The following TMOD1 variants were observed in gnomAD, a reference collection of about 807,000 sequenced individuals.
The protein encoded by TMOD1 is tropomodulin 1, also known as tropomodulin-1.
In TMOD1, 17 loss-of-function variants were observed where a neutral mutation model predicts 40.6. The ratio of observed to expected loss-of-function variants is 0.42; its 90% confidence interval spans 0.29 to 0.63. The LOEUF (loss-of-function observed/expected upper bound fraction) is 0.63, where lower values mean the gene tolerates loss of function less well. Ranked by LOEUF, TMOD1 falls within the 20% of genes least tolerant of loss-of-function variation. The probability of loss-of-function intolerance (pLI) is 0.22; values close to 1 mark genes in which losing one functional copy is unlikely to be tolerated. For missense variants in TMOD1, 391 were observed against 447.6 expected (o/e 0.87, Z 1.14); for synonymous variants, 181 against 175.0 (o/e 1.03, Z -0.27).
At chr9:97,591,741 G>T (rs550036247) in intron 9 of TMOD1, among the ~76,000 whole-genome samples, 1 of 152,174 alleles carries the variant, frequency 6.6e-6, no homozygotes, top group East Asian at 1.9e-4. Context: ...CACAAGTCTC[G>T]CCGGGAGTAT....
chr9:97,565,857 A>AT lies in TMOD1; in HGVS notation c.629dup (p.Thr212HisfsTer26), dbSNP rs1830719054. The AT allele has an allele frequency of 6.2e-7, 1 of 1,613,664 alleles. No individual in the cohort carries two copies. Among genetic ancestry groups the AT allele is most frequent in the Admixed American group, 1.7e-5 (1 of 59,986 alleles). On this transcript the variant is annotated frameshift_variant, in exon 7 of 10. Transcript: ENST00000259365. LOFTEE classifies it high-confidence loss of function. Reference sequence around the variant, plus strand: ...GCCTTTCTTTGTGCAGAATATCCCCATCCCCACCCTCAAGGCATATGCAGA... The same window carrying AT: ...GCCTTTCTTTGTGCAGAATATCCCCATTCCCCACCCTCAAGGCATATGCAGA...
At chr9:97,575,670 C>A (rs1417121875) in intron 8 of TMOD1, among the ~76,000 whole-genome samples, 1 of 152,196 alleles carries the variant, frequency 6.6e-6, no homozygotes, top group East Asian at 1.9e-4. Flanking sequence ...CCAGAATTGG[C>A]TCCGTCAAAT....
In TMOD1 at chr9:97,502,938, C is replaced by G. The variant is rs1334384734; in HGVS notation, c.-49+1135C>G. On this transcript the variant is annotated intron_variant, in intron 1 of 9. Transcript: ENST00000259365. This position sits in a 1 kb window ranked among gnomAD's most constrained non-coding sequence, Gnocchi z 6.1. ...GTCCTCCAACCTGCGCAGCGCCGCC[C>G]CCTCCTACACCCTTCACCCACCGCT... 6.6e-6 allele frequency among the ~76,000 whole-genome samples: 1 copy of G among 152,060 alleles called. No individual in the cohort carries two copies. The highest frequency in any genetic ancestry group is 1.5e-5 in the Non-Finnish European group (1 of 68,006).
intron 3 of TMOD1, among the ~76,000 whole-genome samples, chr9:97,551,014 A>ATTT (rs55700746): frequency 6.4e-4 from 67 of 104,220 alleles, no homozygotes; most frequent in African/African-American, 7.8e-4. Context: ...ATATATATAT[A>ATTT]TTTTTTTTTT....
Position 97,599,878 on chromosome 9 carries a change from T to C in TMOD1, c.*180T>C. The C allele has an allele frequency of 7.2e-7, 1 of 1,385,250 alleles. No homozygotes were observed. The highest frequency in any genetic ancestry group is 1.7e-5 in the South Asian group (1 of 58,982). The allele number at this position is 1,385,250 out of a possible 1,614,324, so 85.8% of individuals were successfully genotyped here. On this transcript the variant is annotated 3_prime_UTR_variant, in exon 10 of 10. Transcript: ENST00000259365. ...AGTTGAAAATTTTATAAAATACCGT[T>C]AATGTGAAGTTTTTCTTTAGTCACA...
At chr9:97,546,379 C>A in intron 3 of TMOD1, 38 bp downstream of exon 3, 2 of 1,598,098 alleles carry the variant, frequency 1.3e-6, no homozygotes, top group South Asian at 2.3e-5. Flanking sequence ...TGCCACTCCC[C>A]ATGCACCATT....
intron 2 of TMOD1, among the ~76,000 whole-genome samples, chr9:97,538,303 G>A (rs1038054285): frequency 6.6e-6 from 1 of 152,172 alleles, no homozygotes; most frequent in African/African-American, 2.4e-5. Flanking sequence ...ATTTCCAATT[G>A]TTAAATAAGG....
At chr9:97,559,843 C>CTA (rs1830610435) in intron 4 of TMOD1, among the ~76,000 whole-genome samples, 1 of 78,372 alleles carries the variant, frequency 1.3e-5, no homozygotes, top group Non-Finnish European at 2.3e-5. Flanking sequence ...ATCTATCTAT[C>CTA]TATCTATCTC....
rs182022922 is a variant in TMOD1 at position 97,553,143 on chromosome 9, C to A, written c.278-138C>A. ...TTCCTATTCTTTGGAGAAGTTGGTC[C>A]CCAGAGGGAGAAACCTGAAGGGACT... On this transcript the variant is annotated intron_variant, in intron 3 of 9. Coordinates refer to ENST00000259365, the MANE Select transcript of TMOD1 (RefSeq NM_003275.4). 4.3e-4 allele frequency: 540 copies of A among 1,261,156 alleles called. 1 individual carries two copies. In the African/African-American group the frequency reaches 7.4e-3, roughly 17 times the overall value. 78.1% of individuals were successfully genotyped at this position (1,261,156 alleles called of 1,614,324 possible). A position where few individuals can be genotyped will look rare whatever the true frequency, so the allele number is the denominator to read the frequency against.
At chr9:97,519,843 G>A (rs1014594257) in intron 1 of TMOD1, among the ~76,000 whole-genome samples, 1 of 152,024 alleles carries the variant, frequency 6.6e-6, no homozygotes, top group African/African-American at 2.4e-5. Context: ...CTCCAGCAGC[G>A]ACAGCCTCAT....
chr9:97,565,796 C>A, intron 6 of TMOD1, 52 bp from the exon 7 acceptor site: 1 of 1,464,538 alleles, frequency 6.8e-7, no homozygotes, highest in Non-Finnish European at 9.5e-7. Flanking sequence ...CTGCCTCAGC[C>A]TGTCCCAGAG....
In TMOD1 at chr9:97,539,090, C is replaced by A. The variant is rs572240033; in HGVS notation, c.121-7095C>A. Among the ~76,000 whole-genome samples the A allele has an allele frequency of 4.6e-5, 7 of 152,296 alleles. No homozygotes were observed. The South Asian group carries it at 1.2e-3, about 27-fold the overall frequency. On this transcript the variant is annotated intron_variant, in intron 2 of 9. Coordinates refer to ENST00000259365, the MANE Select transcript of TMOD1 (RefSeq NM_003275.4). ...CTTTTCTCTAATTTTACTCTACTTT[C>A]TCCATTCACCTCTCATCTCCCTGGT...
rs537476418 is a variant in TMOD1, at chr9:97,529,192, C to T, written c.120+4884C>T. ...GGGGGTCGCTGTAGGAAAATAATCCCTCTTTTTTCTGGGAAAGAGCCTGAG... is the reference window on the plus strand; with the variant it reads ...GGGGGTCGCTGTAGGAAAATAATCCTTCTTTTTTCTGGGAAAGAGCCTGAG... On this transcript the variant is annotated intron_variant, in intron 2 of 9. Transcript: ENST00000259365. 5.3e-5 allele frequency among the ~76,000 whole-genome samples: 8 copies of T among 152,298 alleles called. No individual in the cohort carries two copies. In the South Asian group the frequency reaches 1.2e-3, roughly 24 times the overall value.
intron 2 of TMOD1, among the ~76,000 whole-genome samples, chr9:97,539,128 T>G (rs1246494990): frequency 8.5e-5 from 13 of 152,228 alleles, no homozygotes; most frequent in Admixed American, 7.8e-4. Flanking sequence ...CTCCAATTTT[T>G]TTAATTTCTC....
intron 3 of TMOD1, among the ~76,000 whole-genome samples, chr9:97,547,206 C>G (rs912319455): frequency 3.9e-5 from 6 of 152,044 alleles, no homozygotes; most frequent in Admixed American, 6.6e-5. Flanking sequence ...TCTCCAAACC[C>G]TCTGCCCCCC....
chr9:97,580,189 G>T (rs1825715825), intron 8 of TMOD1, among the ~76,000 whole-genome samples: 1 of 152,204 alleles, frequency 6.6e-6, no homozygotes, highest in South Asian at 2.1e-4. Flanking sequence ...GCAGTTCTTG[G>T]CAGTGGGGAG....
chr9:97,524,942 A>G (rs779412536), intron 2 of TMOD1, among the ~76,000 whole-genome samples: 1 of 152,114 alleles, frequency 6.6e-6, no homozygotes, highest in Non-Finnish European at 1.5e-5. Flanking sequence ...ACCCTCACAG[A>G]CACACCCAGA....
chr9:97,568,342 C>G lies in TMOD1; in HGVS notation c.727-552C>G, dbSNP rs191825899. 7.2e-4 allele frequency among the ~76,000 whole-genome samples: 110 copies of G among 152,272 alleles called. 2 individuals are homozygous for G. The highest frequency in any genetic ancestry group is 6.3e-4 in the Non-Finnish European group (43 of 68,020). On this transcript the variant is annotated intron_variant, in intron 7 of 9. Coordinates refer to ENST00000259365, the MANE Select transcript of TMOD1 (RefSeq NM_003275.4). The stretch of plus-strand genomic sequence containing the variant: ...GTATATAGTCTAATAGCAGAGACAA[C>G]ACCAGTATGAAAACAACTCTGAACA...
intron 8 of TMOD1, among the ~76,000 whole-genome samples, chr9:97,590,192 C>T (rs1335083826): frequency 6.6e-6 from 1 of 151,614 alleles, no homozygotes; most frequent in Non-Finnish European, 1.5e-5. Flanking sequence ...ATCTGAGCAA[C>T]TCTCTATGAA....
Sources: allele counts gnomAD v4.1 joint callset (sites outside exome capture counted in the v4.1 genomes callset), GRCh38; gene constraint gnomAD v4.1.1; non-coding constraint Gnocchi (gnomAD v3.1); transcripts MANE v1.5; gene names NCBI Gene and HGNC (gene_info 2026-07-23, HGNC 2026-07-21).